ZFYVE9: variants seen among roughly 807,000 people sequenced by gnomAD.
The protein encoded by ZFYVE9 is zinc finger FYVE-type containing 9.
A neutral mutation model predicts 126.7 loss-of-function variants in ZFYVE9; 43 were observed. The ratio of observed to expected loss-of-function variants is 0.34; its 90% CI spans 0.27 to 0.44. The LOEUF (loss-of-function observed/expected upper bound fraction) is 0.44, where lower values mean the gene tolerates loss of function less well. Ranked by LOEUF, ZFYVE9 falls within the 20% of genes least tolerant of loss-of-function variation. The pLI, the probability that ZFYVE9 is intolerant of heterozygous loss-of-function variation, is 1.00. For synonymous variants in ZFYVE9, 521 were observed against 597.4 expected, an observed-to-expected ratio of 0.87 and a Z score of 1.87; for missense variants, 1,476 against 1,697.0, an observed-to-expected ratio of 0.87 and a Z score of 2.29.
chr1:52,239,626 G>A, intron 4 of ZFYVE9, 31 bp downstream of exon 4: 4 of 1,582,328 alleles, frequency 2.5e-6, no homozygotes, highest in South Asian at 2.3e-5. Context: ...CAGAAATCGG[G>A]CATGCACATT....
chr1:52,275,457 A>T (rs1210494824), intron 8 of ZFYVE9, among the ~76,000 whole-genome samples: 1 of 152,192 alleles, frequency 6.6e-6, no homozygotes, highest in Non-Finnish European at 1.5e-5. Context: ...TCTTTGAGAA[A>T]TCTCCAAACT....
intron 1 of ZFYVE9, among the ~76,000 whole-genome samples, chr1:52,169,243 A>T (rs572816921): frequency 1.3e-5 from 2 of 152,246 alleles, no homozygotes; most frequent in African/African-American, 2.4e-5. Flanking sequence ...TCTACAAAAA[A>T]TGCAAAAAAA....
intron 1 of ZFYVE9, among the ~76,000 whole-genome samples, chr1:52,143,279 G>C (rs1196255988): frequency 3.9e-5 from 6 of 152,090 alleles, no homozygotes; most frequent in Non-Finnish European, 8.8e-5. Flanking sequence ...GAAGGAAATG[G>C]GATACATGCT....
chr1:52,247,690 T>G (rs2124642064), intron 4 of ZFYVE9, among the ~76,000 whole-genome samples: 1 of 152,128 alleles, frequency 6.6e-6, no homozygotes, highest in South Asian at 2.1e-4. Context: ...AGAGACGGGG[T>G]TTCGCCATGT....
chr1:52,235,181 A>G (rs908347247), intron 3 of ZFYVE9, among the ~76,000 whole-genome samples: 1 of 152,134 alleles, frequency 6.6e-6, no homozygotes, highest in African/African-American at 2.4e-5. Context: ...TGTTTGAACT[A>G]TTTTTTTGAA....
At chr1:52,325,476 T>C (rs1405377889) in intron 13 of ZFYVE9, among the ~76,000 whole-genome samples, 1 of 152,134 alleles carries the variant, frequency 6.6e-6, no homozygotes, top group Non-Finnish European at 1.5e-5. Flanking sequence ...GCAGTGATCA[T>C]GCCACTGCAC....
chr1:52,241,758 C>G (rs1645335935), intron 4 of ZFYVE9, among the ~76,000 whole-genome samples: 1 of 151,972 alleles, frequency 6.6e-6, no homozygotes, highest in Non-Finnish European at 1.5e-5. Context: ...AATCCTTGAG[C>G]TTCTCAGAAG....
intron 1 of ZFYVE9, among the ~76,000 whole-genome samples, chr1:52,193,600 A>G (rs1644834674): frequency 6.7e-6 from 1 of 149,422 alleles, no homozygotes; most frequent in South Asian, 2.1e-4. Flanking sequence ...CTAGCCACTC[A>G]GGAGGTTGAG....
At chr1:52,338,828 A>G (rs938847749) in intron 16 of ZFYVE9, among the ~76,000 whole-genome samples, 1 of 152,132 alleles carries the variant, frequency 6.6e-6, no homozygotes, top group African/African-American at 2.4e-5. Context: ...CCTGACCAAC[A>G]TGGAAAAACC....
At chr1:52,243,394 C>G (rs546215701) in intron 4 of ZFYVE9, among the ~76,000 whole-genome samples, 2 of 152,232 alleles carry the variant, frequency 1.3e-5, no homozygotes, top group East Asian at 3.9e-4. Flanking sequence ...GTTGACACAT[C>G]AAGGTTGACA....
intron 1 of ZFYVE9, among the ~76,000 whole-genome samples, chr1:52,154,481 C>T (rs555643798): frequency 1.3e-4 from 20 of 152,286 alleles, no homozygotes; most frequent in African/African-American, 4.3e-4. Context: ...TCTGGGTGAC[C>T]GATGTCAGCT....
At chr1:52,205,235 T>TG (rs755785290) in intron 1 of ZFYVE9, among the ~76,000 whole-genome samples, 2 of 151,836 alleles carry the variant, frequency 1.3e-5, no homozygotes, top group Non-Finnish European at 2.9e-5. Flanking sequence ...CCACCACACC[T>TG]GGCCTATTTT....
intron 17 of ZFYVE9, 59 bp downstream of exon 17, chr1:52,340,290 A>G: frequency 1.5e-6 from 2 of 1,305,436 alleles, no homozygotes; most frequent in Middle Eastern, 1.8e-4. Context: ...TTGCTAGGCC[A>G]AGAGCCACAT....
At chr1:52,291,136 G>A (rs1325733618) in intron 10 of ZFYVE9, among the ~76,000 whole-genome samples, 1 of 152,202 alleles carries the variant, frequency 6.6e-6, no homozygotes, top group African/African-American at 2.4e-5. Context: ...TGGAGCAAGA[G>A]TACTACCCCT....
At chr1:52,227,998 G>C (rs975185440) in intron 2 of ZFYVE9, among the ~76,000 whole-genome samples, 16 of 152,126 alleles carry the variant, frequency 1.1e-4, no homozygotes, top group Admixed American at 6.6e-4. Flanking sequence ...TTCCTTCTAG[G>C]TTTATGGCAT....
rs1228060015 is a variant in ZFYVE9, at chr1:52,346,166, G to A, written c.4223G>A (p.Ser1408Asn). ...PVIHGGACQLSEGPVVMELIF... is the reference protein window; with the variant it reads ...PVIHGGACQLNEGPVVMELIF... ...ATCCATGGAGGGGCCTGCCAGCTTA[G>A]TGAGGGCCCCGTTGTCATGGAACTC... Residue 1408 changes from serine (S) to asparagine (N), a missense_variant, in exon 19 of 19, where the codon AGT becomes AAT. Transcript: ENST00000287727. The A allele has an allele frequency of 1.2e-6, 2 of 1,612,936 alleles. No individual in the cohort carries two copies. The highest frequency in any genetic ancestry group is 1.1e-5 in the South Asian group (1 of 90,990).
chr1:52,291,962 A>G (rs1441607826), intron 10 of ZFYVE9, among the ~76,000 whole-genome samples: 1 of 151,446 alleles, frequency 6.6e-6, no homozygotes, highest in Non-Finnish European at 1.5e-5. Flanking sequence ...GCTATGTTTC[A>G]TATTTGTCTC....
intron 17 of ZFYVE9, among the ~76,000 whole-genome samples, chr1:52,344,102 C>T (rs1646464221): frequency 6.6e-6 from 1 of 151,948 alleles, no homozygotes; most frequent in South Asian, 2.1e-4. Context: ...CTTTAACTTC[C>T]TTTAGTCCTC....
At chr1:52,167,649 C>T (rs1004028385) in intron 1 of ZFYVE9, among the ~76,000 whole-genome samples, 10 of 152,150 alleles carry the variant, frequency 6.6e-5, no homozygotes, top group African/African-American at 2.4e-4. Context: ...AGAAACACCT[C>T]ATCAGAAAGC....
Sources: gnomAD v4.1 joint callset for allele counts (sites outside exome capture counted in the v4.1 genomes callset) on GRCh38, gnomAD v4.1.1 for gene constraint, MANE v1.5 for transcripts, NCBI Gene and HGNC (gene_info 2026-07-23, HGNC 2026-07-21) for gene names.